Variants in RAD51B observed in about 807,000 individuals in gnomAD.
RAD51B encodes RAD51 paralog B.
Under a neutral mutation model 42.2 loss-of-function variants are expected in RAD51B, and 38 were observed. The ratio of observed to expected loss-of-function variants is 0.90; its 90% CI spans 0.70 to 1.18. The LOEUF (loss-of-function observed/expected upper bound fraction) is 1.18, where lower values mean the gene tolerates loss of function less well. RAD51B is among the 50% of genes most tolerant of loss of function. The probability of loss-of-function intolerance (pLI) is 0.00; values close to 1 mark genes in which losing one functional copy is unlikely to be tolerated. For synonymous variants in RAD51B, 154 were observed against 145.2 expected, an observed-to-expected ratio of 1.06 and a Z score of -0.43; for missense variants, 373 against 400.7, an observed-to-expected ratio of 0.93 and a Z score of 0.59.
chr14:68,649,893 C>A (rs1190743967), intron 10 of RAD51B, among the ~76,000 whole-genome samples: 2 of 152,220 alleles, frequency 1.3e-5, no homozygotes, highest in African/African-American at 4.8e-5. Context: ...TAACACTTCT[C>A]AGGACACCCT....
At chr14:68,189,289 A>G (rs2079216876) in intron 7 of RAD51B, among the ~76,000 whole-genome samples, 1 of 152,170 alleles carries the variant, frequency 6.6e-6, no homozygotes, top group Admixed American at 6.5e-5. Context: ...GAGGTACTCA[A>G]TAAGTACTTG....
intron 7 of RAD51B, among the ~76,000 whole-genome samples, chr14:67,895,760 A>G (rs955548616): frequency 6.6e-6 from 1 of 151,314 alleles, no homozygotes; most frequent in Non-Finnish European, 1.5e-5. Context: ...GCTCCAACCT[A>G]CTCCTCCCAT....
intron 8 of RAD51B, among the ~76,000 whole-genome samples, chr14:68,332,379 GTAAT>G (rs1012970161): frequency 1.4e-4 from 22 of 152,150 alleles, no homozygotes; most frequent in South Asian, 8.3e-4. Context: ...CAGAATAAAG[GTAAT>G]TAATCAAAAT....
At chr14:68,087,083 C>T (rs1422505588) in intron 7 of RAD51B, among the ~76,000 whole-genome samples, 1 of 149,766 alleles carries the variant, frequency 6.7e-6, no homozygotes, top group East Asian at 2.0e-4. Flanking sequence ...TGCAGTGAGC[C>T]AAGATTGCAC....
At chr14:68,262,557 C>T (rs906716902) in intron 7 of RAD51B, among the ~76,000 whole-genome samples, 1 of 152,152 alleles carries the variant, frequency 6.6e-6, no homozygotes, top group Non-Finnish European at 1.5e-5. Flanking sequence ...TCACCTGCCC[C>T]CTGACCCAGT....
chr14:68,561,363 C>T (rs1889138724), intron 10 of RAD51B, among the ~76,000 whole-genome samples: 1 of 152,196 alleles, frequency 6.6e-6, no homozygotes, highest in Non-Finnish European at 1.5e-5. Context: ...AATCTGCATT[C>T]TTAGCGCACC....
At chr14:68,064,582 T>G (rs1371339298) in intron 7 of RAD51B, among the ~76,000 whole-genome samples, 1 of 152,064 alleles carries the variant, frequency 6.6e-6, no homozygotes, top group Admixed American at 6.5e-5. Context: ...ATTCTCATAG[T>G]ATTAATATTT....
In RAD51B at chr14:67,923,620, C is replaced by G. The variant is rs557424121; in HGVS notation, c.756+36416C>G. 2.0e-5 allele frequency among the ~76,000 whole-genome samples: 3 copies of G among 152,206 alleles called. No homozygotes were observed. In the South Asian group the frequency reaches 6.2e-4, roughly 32 times the overall value. On this transcript the variant is annotated intron_variant, in intron 7 of 10. Coordinates refer to ENST00000471583, the MANE Select transcript of RAD51B (RefSeq NM_133510.4). ...AGCAGTATATCACATTTTCTTTATC[C>G]ACTCGTTATTGATGGGCATTTGGGC...
chr14:67,994,771 A>G (rs1010666927), intron 7 of RAD51B, among the ~76,000 whole-genome samples: 1 of 152,244 alleles, frequency 6.6e-6, no homozygotes, highest in African/African-American at 2.4e-5. Flanking sequence ...AGCATTTCCC[A>G]TAATCATCTC....
chr14:68,655,824 G>T (rs1227039952), intron 11 of RAD51B, among the ~76,000 whole-genome samples: 1 of 152,230 alleles, frequency 6.6e-6, no homozygotes, highest in Non-Finnish European at 1.5e-5. Flanking sequence ...GATCGGCGGG[G>T]TCTTTTCTCT....
intron 10 of RAD51B, among the ~76,000 whole-genome samples, chr14:68,590,333 TA>T (rs796366141): frequency 8.6e-5 from 13 of 151,934 alleles, no homozygotes; most frequent in Admixed American, 8.5e-4. Flanking sequence ...TGACAGCTGT[TA>T]AAAAAAAGAA....
intron 7 of RAD51B, among the ~76,000 whole-genome samples, chr14:67,963,770 C>A (rs1373808436): frequency 6.6e-6 from 1 of 152,030 alleles, no homozygotes; most frequent in Non-Finnish European, 1.5e-5. Context: ...CAAAGCTGTA[C>A]AGATTAGATA....
intron 10 of RAD51B, among the ~76,000 whole-genome samples, chr14:68,560,805 G>A (rs560223539): frequency 6.6e-6 from 1 of 151,754 alleles, no homozygotes; most frequent in African/African-American, 2.4e-5. Flanking sequence ...TTCTGCCCCA[G>A]GATGTCCCCC....
intron 5 of RAD51B, among the ~76,000 whole-genome samples, chr14:67,881,878 A>G (rs1035233069): frequency 3.3e-5 from 5 of 152,220 alleles, no homozygotes; most frequent in African/African-American, 1.2e-4. Context: ...TTCCAGCTCT[A>G]TAATGCAACT....
downstream of RAD51B, among the ~76,000 whole-genome samples, chr14:68,612,688 T>C (rs1891721745): frequency 6.6e-6 from 1 of 152,014 alleles, no homozygotes; most frequent in Non-Finnish European, 1.5e-5. Flanking sequence ...GTTGTGGAGA[T>C]AGATAATGGT....
intron 7 of RAD51B, among the ~76,000 whole-genome samples, chr14:68,145,219 T>C (rs1481720670): frequency 1.3e-5 from 2 of 152,220 alleles, no homozygotes; most frequent in Non-Finnish European, 2.9e-5. Flanking sequence ...CATTGTCTAG[T>C]GGTTTTCCAT....
chr14:68,316,652 T>C (rs1425167735), intron 8 of RAD51B, among the ~76,000 whole-genome samples: 1 of 152,156 alleles, frequency 6.6e-6, no homozygotes, highest in Non-Finnish European at 1.5e-5. Flanking sequence ...GTGATGACCT[T>C]TACAGGGCTG....
At chr14:68,591,290 A>G (rs912740601) in intron 10 of RAD51B, among the ~76,000 whole-genome samples, 1 of 152,196 alleles carries the variant, frequency 6.6e-6, no homozygotes, top group Non-Finnish European at 1.5e-5. Flanking sequence ...ACTGTCCTCC[A>G]TGCTGGGTTC....
chr14:68,405,657 G>T (rs899014124), intron 8 of RAD51B, among the ~76,000 whole-genome samples: 1 of 151,736 alleles, frequency 6.6e-6, no homozygotes, highest in Non-Finnish European at 1.5e-5. Flanking sequence ...CTTAAGACTT[G>T]GGTTTACCTG....
Sources: allele counts gnomAD v4.1 joint callset (sites outside exome capture counted in the v4.1 genomes callset), GRCh38; gene constraint gnomAD v4.1.1; transcripts MANE v1.5; gene names NCBI Gene and HGNC (gene_info 2026-07-23, HGNC 2026-07-21).